Variants in CIB1 observed in about 807,000 individuals in gnomAD.
The protein encoded by CIB1 is calcium and integrin binding 1, also known as calcium and integrin-binding protein 1.
Under a neutral mutation model 25.0 loss-of-function variants are expected in CIB1, and 19 were observed. That is an observed-to-expected ratio of 0.76 (90% CI 0.53 to 1.12). The LOEUF (loss-of-function observed/expected upper bound fraction) is 1.12. Ranked by LOEUF, CIB1 falls within the 50% of genes most tolerant of loss-of-function variation. The probability of loss-of-function intolerance (pLI) is 0.00; values close to 1 mark genes in which losing one functional copy is unlikely to be tolerated. For missense variants in CIB1, 236 were observed against 242.6 expected (o/e 0.97, Z 0.18); for synonymous variants, 104 against 98.5 (o/e 1.06, Z -0.33).
At chr15:90,246,073 AG>A in the CIB1 span, among the ~76,000 whole-genome samples, 1 of 152,136 alleles carries the variant, frequency 6.6e-6, no homozygotes. Flanking sequence ...CAGGAATTCA[AG>A]ACCAGCCTAA....
At chr15:90,257,028 A>T in the CIB1 span, 2 of 1,075,798 alleles carry the variant, frequency 1.9e-6, no homozygotes, top group Non-Finnish European at 2.7e-6. Flanking sequence ...TAACTATTTT[A>T]CATGGTTATT....
the CIB1 span, chr15:90,262,271 G>A: frequency 7.2e-6 from 10 of 1,381,782 alleles, no homozygotes; most frequent in Admixed American, 1.6e-4. Context: ...CAGGGAAAGA[G>A]GAAGCCAGAC....
the CIB1 span, among the ~76,000 whole-genome samples, chr15:90,252,621 A>C: frequency 6.6e-6 from 1 of 152,024 alleles, no homozygotes; most frequent in Non-Finnish European, 1.5e-5. Flanking sequence ...TTTATAAGGA[A>C]CCACACAAGT....
upstream of CIB1, chr15:90,234,001 C>A (rs1962574846): frequency 7.6e-6 from 9 of 1,183,848 alleles, no homozygotes; most frequent in Non-Finnish European, 1.1e-6. Flanking sequence ...CTGGGGCCAC[C>A]ACCCCCGGGC....
At chr15:90,263,136 T>C in the CIB1 span, 31 of 1,525,648 alleles carry the variant, frequency 2.0e-5, no homozygotes, top group Non-Finnish European at 2.6e-5. Context: ...AAAAACTTCA[T>C]GAGAGTCGGG....
At chr15:90,258,616 A>T in the CIB1 span, 1 of 798,146 alleles carries the variant, frequency 1.3e-6, no homozygotes, top group Non-Finnish European at 2.0e-6. Flanking sequence ...TGGAAGCCAG[A>T]GCATCCAGCC....
the CIB1 span, chr15:90,253,445 C>A: frequency 1.0e-6 from 1 of 998,320 alleles, no homozygotes; most frequent in Non-Finnish European, 1.5e-6. Context: ...CCCAGGCACC[C>A]AAGACTGCTA....
At chr15:90,256,030 A>G in the CIB1 span, 6 of 1,557,508 alleles carry the variant, frequency 3.9e-6, no homozygotes, top group Non-Finnish European at 5.2e-6. Context: ...AGAGGGTCTG[A>G]GACTGAGTGC....
In CIB1 at chr15:90,230,019, A is replaced by T. The variant is rs112498491; in HGVS notation, c.*465T>A. ...CTGATGTACGGTTCTTTACATTTTG[A>T]TGCATGCAGAGACTCATCTAACCAC... is the stretch of plus-strand genomic sequence containing the variant. On this transcript the variant is annotated 3_prime_UTR_variant, in exon 7 of 7. Coordinates refer to ENST00000328649, the MANE Select transcript of CIB1 (RefSeq NM_006384.4). The T allele has an allele frequency of 5.9e-3, 1,076 of 182,494 alleles. 8 individuals carry two copies. Among genetic ancestry groups the T allele is most frequent in the African/African-American group, 0.023 (973 of 41,902 alleles). The allele number at this position is 182,494 out of a possible 1,614,324, so 11.3% of individuals were successfully genotyped here. A position where few individuals can be genotyped will look rare whatever the true frequency, so the allele number is the denominator to read the frequency against.
chr15:90,237,778 C>A (rs572357717), upstream of CIB1, among the ~76,000 whole-genome samples: 16 of 151,576 alleles, frequency 1.1e-4, no homozygotes, highest in African/African-American at 3.4e-4. Flanking sequence ...AGATAAGATT[C>A]TCTTTTATTA....
At chr15:90,231,606 C>T in intron 3 of CIB1, 99 bp from the exon 4 acceptor site, 1 of 1,417,818 alleles carries the variant, frequency 7.1e-7, no homozygotes, top group Non-Finnish European at 9.6e-7. Flanking sequence ...CACCAGCGAG[C>T]TCAGCCTCGT....
chr15:90,255,631 G>A, the CIB1 span: 36 of 1,425,138 alleles, frequency 2.5e-5, no homozygotes, highest in Non-Finnish European at 3.2e-5. Flanking sequence ...CCTTGGTGCA[G>A]TGCTTACCTC....
chr15:90,264,857 C>T, the CIB1 span: 3 of 1,535,940 alleles, frequency 2.0e-6, no homozygotes, highest in African/African-American at 1.4e-5. Context: ...ATGCACCTTG[C>T]CCTCCATGGT....
At chr15:90,238,750 T>C (rs1335593458), upstream of CIB1, among the ~76,000 whole-genome samples, 4 of 152,190 alleles carry the variant, frequency 2.6e-5, no homozygotes. Context: ...GGAATCACTA[T>C]GGAACATGGA....
chr15:90,252,268 C>G, the CIB1 span, among the ~76,000 whole-genome samples: 2 of 152,088 alleles, frequency 1.3e-5, no homozygotes, highest in Admixed American at 6.5e-5. Context: ...AACTCCTGAC[C>G]TCAGGTGATC....
At chr15:90,260,732 T>C in the CIB1 span, among the ~76,000 whole-genome samples, 1 of 150,782 alleles carries the variant, frequency 6.6e-6, no homozygotes, top group Non-Finnish European at 1.5e-5. Context: ...ATGCCTGTAA[T>C]CCCAGCTACT....
At chr15:90,250,894 A>G in the CIB1 span, 4 of 1,612,960 alleles carry the variant, frequency 2.5e-6, no homozygotes, top group Middle Eastern at 3.7e-4. Flanking sequence ...GCAGGTAACT[A>G]TTCCCTAGAT....
chr15:90,264,589 T>G, the CIB1 span: 1 of 1,025,178 alleles, frequency 9.8e-7, no homozygotes, highest in Non-Finnish European at 1.4e-6. Context: ...TACAATACAG[T>G]GTGGGAAAGA....
the CIB1 span, chr15:90,243,974 C>G: frequency 6.8e-6 from 1 of 146,094 alleles, no homozygotes; most frequent in Non-Finnish European, 1.5e-5. Context: ...ATCAGAGTTT[C>G]ACTCTGTTGC....
Sources: allele counts gnomAD v4.1 joint callset (sites outside exome capture counted in the v4.1 genomes callset), GRCh38; gene constraint gnomAD v4.1.1; transcripts MANE v1.5; gene names NCBI Gene and HGNC (gene_info 2026-07-23, HGNC 2026-07-21).